The following PHF10 variants were observed in gnomAD, a reference collection of about 807,000 sequenced individuals.
PHF10 encodes PHD finger protein 10, also known as BRG1-associated factor 45a.
PHF10 carries 51 observed loss-of-function variants against 68.5 expected under a neutral mutation model. That is an observed-to-expected ratio of 0.74 (90% CI 0.59 to 0.94). The LOEUF (loss-of-function observed/expected upper bound fraction) is 0.94. Ranked by LOEUF, PHF10 falls within the 40% of genes least tolerant of loss-of-function variation. The probability of loss-of-function intolerance (pLI) is 0.00; values close to 1 mark genes in which losing one functional copy is unlikely to be tolerated. For synonymous variants in PHF10, 204 were observed against 203.5 expected, an observed-to-expected ratio of 1.00 and a Z score of -0.02; for missense variants, 460 against 602.6, an observed-to-expected ratio of 0.76 and a Z score of 2.48.
chr6:169,724,129 T>C lies in PHF10; in HGVS notation c.-198A>G, dbSNP rs1192820450. ...CCCGCCAGCGCCGCCGCCACCGCCA[T>C]GGCCGTCGCCAGCGCGCCGCCCGCG... On this transcript the variant is annotated 5_prime_UTR_variant, in exon 1 of 12. It removes an upstream start codon present in the reference 5' UTR. Coordinates refer to ENST00000339209, the MANE Select transcript of PHF10 (RefSeq NM_018288.4). 5.1e-5 allele frequency: 7 copies of C among 136,196 alleles called. No individual in the cohort carries two copies. The highest frequency in any genetic ancestry group is 9.5e-5 in the Non-Finnish European group (6 of 63,028). 8.4% of individuals were successfully genotyped at this position (136,196 alleles called of 1,614,324 possible).
chr6:169,715,670 A>C, intron 6 of PHF10, 38 bp downstream of exon 6: 1 of 1,575,882 alleles, frequency 6.3e-7, no homozygotes, highest in Non-Finnish European at 8.7e-7. Context: ...ACAAGTAATA[A>C]ACTAAGTTCA....
Position 169,714,626 on chromosome 6 carries a change from C to T in PHF10, c.803+107G>A, listed in dbSNP as rs1585302152. 7.1e-6 allele frequency: 5 copies of T among 706,300 alleles called. No homozygotes were observed. The East Asian group carries it at 9.8e-5, about 14-fold the overall frequency. The allele number at this position is 706,300 out of a possible 1,614,324, so 43.8% of individuals were successfully genotyped here. A position where few individuals can be genotyped will look rare whatever the true frequency, so the allele number is the denominator to read the frequency against. Reference sequence around the variant, plus strand: ...TAGCAACACAAATCCTATACGATATCTTACGGTGATATCTATAGACCCCAA... The same window carrying T: ...TAGCAACACAAATCCTATACGATATTTTACGGTGATATCTATAGACCCCAA... On this transcript the variant is annotated intron_variant, in intron 7 of 11. Transcript: ENST00000339209.
intron 2 of PHF10, among the ~76,000 whole-genome samples, chr6:169,720,614 T>C (rs1789153237): frequency 6.6e-6 from 1 of 151,988 alleles, no homozygotes; most frequent in South Asian, 2.1e-4. Context: ...TTCACGGAAA[T>C]AGAAAGTAGA....
At chr6:169,707,928 A>G (rs1562985048) in intron 9 of PHF10, 1 of 152,196 alleles carries the variant, frequency 6.6e-6, no homozygotes, top group Non-Finnish European at 1.5e-5. Context: ...AAGAAGCCAC[A>G]GTGCTGGCAT....
In PHF10 at chr6:169,705,139, G is replaced by C; in HGVS notation, c.1405C>G (p.Pro469Ala). 1.2e-6 allele frequency: 2 copies of C among 1,603,982 alleles called. No individual in the cohort carries two copies. Among genetic ancestry groups the C allele is most frequent in the South Asian group, 2.2e-5 (2 of 89,276 alleles). ...HTFCVGLGAI[P>A]SGRWICDCCQ... ...CTCTTTTTTTAATCTTTACCTGATG[G>C]AATAGCACCAAGGCCCACACAAAAA... Residue 469 changes from proline (P) to alanine (A), a missense_variant, in exon 11 of 12, where the codon CCA becomes GCA. Physicochemically the swap from Pro to Ala is conservative, Grantham distance 27. Around this residue, in one of 3 missense-constraint regions of PHF10, gnomAD observed 111 missense variants for 109.7 expected, o/e 1.01. Coordinates refer to ENST00000339209, the MANE Select transcript of PHF10 (RefSeq NM_018288.4).
chr6:169,721,815 TAA>T (rs1789185722), intron 1 of PHF10, among the ~76,000 whole-genome samples: 1 of 152,214 alleles, frequency 6.6e-6, no homozygotes, highest in Admixed American at 6.5e-5. Context: ...AGCCAAGGCT[TAA>T]AGTCTAAAAA....
At chr6:169,716,463 CCAGTCTT>C (rs1434865450) in intron 4 of PHF10, among the ~76,000 whole-genome samples, 1 of 151,338 alleles carries the variant, frequency 6.6e-6, no homozygotes, top group Non-Finnish European at 1.5e-5. Context: ...ATTATAGTTC[CCAGTCTT>C]CAAATTCCAT....
intron 4 of PHF10, among the ~76,000 whole-genome samples, chr6:169,717,382 C>A (rs1245093090): frequency 1.3e-5 from 2 of 152,226 alleles, no homozygotes; most frequent in Non-Finnish European, 2.9e-5. Context: ...TTTAATACAT[C>A]TAGCCTACCA....
At chr6:169,718,276 C>T (rs1789097863) in intron 3 of PHF10, among the ~76,000 whole-genome samples, 1 of 151,972 alleles carries the variant, frequency 6.6e-6, no homozygotes, top group South Asian at 2.1e-4. Context: ...TAAAATTTTC[C>T]TCAGGAAATT....
chr6:169,706,665 A>G (rs181206537), intron 9 of PHF10, among the ~76,000 whole-genome samples: 1 of 151,864 alleles, frequency 6.6e-6, no homozygotes, highest in African/African-American at 2.4e-5. Context: ...TAACAGTGGT[A>G]AAAAAGGAAG....
rs1406362560 is a variant in PHF10, at chr6:169,721,028, A to C, written c.171T>G (p.Cys57Trp). The C allele has an allele frequency of 1.3e-6, 2 of 1,543,554 alleles. No individual in the cohort carries two copies. Among genetic ancestry groups the C allele is most frequent in the Non-Finnish European group, 1.8e-6 (2 of 1,141,762 alleles). Reference protein sequence around the residue: ...RMGSGDSSRSCETSSQDLGFS... With the variant: ...RMGSGDSSRSWETSSQDLGFS... The stretch of plus-strand genomic sequence containing the variant: ...ACCCAAGATCTTGACTTGAAGTTTC[A>C]CAACTCCTAGAACTATCTCCTGAGC... The change falls in exon 2 of 12, where the codon TGT becomes TGG. Residue 57 changes from cysteine to tryptophan, a missense_variant. Physicochemically the swap from Cys to Trp is radical, Grantham distance 215 (BLOSUM62 -2). Transcript: ENST00000339209.
intron 8 of PHF10, among the ~76,000 whole-genome samples, chr6:169,711,993 AAT>A (rs1562986209): frequency 6.6e-6 from 1 of 152,210 alleles, no homozygotes; most frequent in Non-Finnish European, 1.5e-5. Flanking sequence ...TACTAAACAT[AAT>A]ATTTTCCTAT....
rs1018499409 is a variant in PHF10 at position 169,723,769 on chromosome 6, G to A, written c.87+76C>T. On this transcript the variant is annotated intron_variant, in intron 1 of 11. Transcript: ENST00000339209. ...GCCCCCGAGACGCTGGGCGGCCGCC[G>A]GTGGGACTGGGCCCACGCCCCGGCA... 3.1e-5 allele frequency: 13 copies of A among 424,524 alleles called. No homozygotes were observed. In the South Asian group the frequency reaches 8.9e-4, roughly 29 times the overall value. The allele number at this position is 424,524 out of a possible 1,614,324, so 26.3% of individuals were successfully genotyped here.
chr6:169,720,352 C>T (rs1217085450), intron 2 of PHF10, among the ~76,000 whole-genome samples: 1 of 152,092 alleles, frequency 6.6e-6, no homozygotes, highest in East Asian at 1.9e-4. Flanking sequence ...CTCTGAACAC[C>T]AATGCTCACT....
At position 169,705,738 on chromosome 6, in the gene PHF10, A is replaced by G. The variant is rs778638360; in HGVS notation, c.1114-14T>C. 1 of 1,237,460 alleles carries G rather than the reference A, an allele frequency of 8.1e-7. No individual in the cohort carries two copies. Among genetic ancestry groups the G allele is most frequent in the South Asian group, 1.2e-5 (1 of 83,548 alleles). The allele number at this position is 1,237,460 out of a possible 1,614,324, so 76.7% of individuals were successfully genotyped here. A position where few individuals can be genotyped will look rare whatever the true frequency, so the allele number is the denominator to read the frequency against. On this transcript the variant is annotated splice_polypyrimidine_tract_variant and intron_variant, in intron 9 of 11. Transcript: ENST00000339209. ...AATGACCTTTGGCTGGAAGGGTAGA[A>G]GAGGGCTATAAATTCATGCCAGAAG...
At chr6:169,718,201 A>G (rs1789096370) in intron 3 of PHF10, among the ~76,000 whole-genome samples, 2 of 152,180 alleles carry the variant, frequency 1.3e-5, no homozygotes, top group Non-Finnish European at 2.9e-5. Context: ...CATATAGCTA[A>G]CTCTATTCCT....
Position 169,705,651 on chromosome 6 carries a change from T to G in PHF10, c.1187A>C (p.Glu396Ala), listed in dbSNP as rs1271608385. The change falls in exon 10 of 12, where the codon GAA becomes GCA. Residue 396 changes from glutamate (E) to alanine (A), a missense_variant. Coordinates refer to ENST00000339209, the MANE Select transcript of PHF10 (RefSeq NM_018288.4). ...ACATTGGGAGCAGTGTATAAGTGATTCAGCCTTTCCTTTCTTGTTGGACTC... is the reference window on the plus strand; with the variant it reads ...ACATTGGGAGCAGTGTATAAGTGATGCAGCCTTTCCTTTCTTGTTGGACTC... ...GKESNKKGKA[E>A]SLIHCSQCEN... The G allele has an allele frequency of 1.3e-6, 2 of 1,564,144 alleles. No homozygotes were observed. The highest frequency in any genetic ancestry group is 1.7e-5 in the Admixed American group (1 of 59,936).
At chr6:169,723,754 C>G (rs1025552090) in intron 1 of PHF10, 91 bp downstream of exon 1, 21 of 357,744 alleles carry the variant, frequency 5.9e-5, no homozygotes, top group Non-Finnish European at 7.6e-5. Context: ...GCCCCCGAGA[C>G]GCTGGGCGGC....
intron 3 of PHF10, among the ~76,000 whole-genome samples, chr6:169,718,501 A>C (rs1343062151): frequency 6.6e-6 from 1 of 152,170 alleles, no homozygotes; most frequent in Admixed American, 6.5e-5. Flanking sequence ...ACATCTCTAA[A>C]AAAATAAAAA....
Sources: allele counts gnomAD v4.1 joint callset (sites outside exome capture counted in the v4.1 genomes callset), GRCh38; gene constraint gnomAD v4.1.1; regional missense constraint gnomAD v4.1.1; transcripts MANE v1.5; gene names NCBI Gene and HGNC (gene_info 2026-07-23, HGNC 2026-07-21).